The following USP47 variants were observed in gnomAD, a reference collection of about 807,000 sequenced individuals.
USP47 encodes the protein ubiquitin specific peptidase 47, also known as ubiquitin carboxyl-terminal hydrolase 47.
Under a neutral mutation model 165.1 loss-of-function variants are expected in USP47, and 35 were observed. That is an observed-to-expected ratio of 0.21 (90% CI 0.16 to 0.28). The LOEUF (loss-of-function observed/expected upper bound fraction) is 0.28, where lower values mean the gene tolerates loss of function less well. Ranked by LOEUF, USP47 falls within the 10% of genes least tolerant of loss-of-function variation. The pLI, the probability that USP47 is intolerant of heterozygous loss-of-function variation, is 1.00. For missense variants in USP47, 1,277 were observed against 1,607.4 expected, an observed-to-expected ratio of 0.79 and a Z score of 3.52; for synonymous variants, 531 against 544.5, an observed-to-expected ratio of 0.98 and a Z score of 0.35.
intron 8 of USP47, among the ~76,000 whole-genome samples, chr11:11,912,897 A>T: frequency 6.6e-6 from 1 of 152,130 alleles, no homozygotes; most frequent in East Asian, 1.9e-4. Flanking sequence ...TAACGAGCCA[A>T]AAAAGAAAAT....
chr11:11,954,691 A>C (rs932615784), intron 25 of USP47, among the ~76,000 whole-genome samples: 1 of 152,228 alleles, frequency 6.6e-6, no homozygotes, highest in Non-Finnish European at 1.5e-5. Context: ...TTGTGTATGC[A>C]TAGGAAAAGG....
intron 3 of USP47, among the ~76,000 whole-genome samples, chr11:11,888,917 G>A (rs891064961): frequency 6.6e-6 from 1 of 151,936 alleles, no homozygotes; most frequent in African/African-American, 2.4e-5. Flanking sequence ...CAATAAATGC[G>A]ATTCATCCCA....
At chr11:11,857,004 A>G (rs756201484) in intron 1 of USP47, 4 of 152,168 alleles carry the variant, frequency 2.6e-5, no homozygotes, top group African/African-American at 4.8e-5. Flanking sequence ...ACCATAAGGA[A>G]TGTCTTTAAT....
chr11:11,851,865 G>A (rs1004056026), intron 1 of USP47, among the ~76,000 whole-genome samples: 3 of 152,096 alleles, frequency 2.0e-5, no homozygotes, highest in Admixed American at 1.3e-4. Context: ...TTGAGGTTAT[G>A]AATAAAAAGA....
intron 3 of USP47, among the ~76,000 whole-genome samples, chr11:11,886,094 G>A (rs979714523): frequency 6.6e-6 from 1 of 152,076 alleles, no homozygotes; most frequent in African/African-American, 2.4e-5. Flanking sequence ...CCTATTCAAA[G>A]GTCAGCAACC....
At chr11:11,947,686 T>C (rs912604698) in intron 20 of USP47, among the ~76,000 whole-genome samples, 1 of 152,192 alleles carries the variant, frequency 6.6e-6, no homozygotes, top group Non-Finnish European at 1.5e-5. Context: ...CCTAGAAGCT[T>C]GTTTTTGAGT....
chr11:11,897,006 T>C (rs1046075533), intron 4 of USP47, among the ~76,000 whole-genome samples: 1 of 151,600 alleles, frequency 6.6e-6, no homozygotes, highest in African/African-American at 2.4e-5. Flanking sequence ...TAGAATTTCA[T>C]TGACAGGCTT....
chr11:11,884,742 T>C (rs1208422341), intron 3 of USP47, 162 bp downstream of exon 3: 8 of 543,368 alleles, frequency 1.5e-5, no homozygotes, highest in Non-Finnish European at 2.0e-5. Context: ...TAGAATAACA[T>C]AGTTACACTG....
At chr11:11,918,470 A>T (rs1433106055) in intron 8 of USP47, among the ~76,000 whole-genome samples, 1 of 152,068 alleles carries the variant, frequency 6.6e-6, no homozygotes, top group Non-Finnish European at 1.5e-5. Context: ...CCAGAGTTTG[A>T]TTACTGTTTG....
intron 17 of USP47, 39 bp downstream of exon 17, chr11:11,936,549 A>T: frequency 6.9e-7 from 1 of 1,440,678 alleles, no homozygotes; most frequent in Non-Finnish European, 9.2e-7. Context: ...TTCTGTACTT[A>T]GAATTTTCAT....
At chr11:11,895,225 G>A (rs552633877) in intron 4 of USP47, among the ~76,000 whole-genome samples, 2 of 152,166 alleles carry the variant, frequency 1.3e-5, no homozygotes, top group South Asian at 4.1e-4. Flanking sequence ...ATTTTTAGAA[G>A]TCTTTGCTAT....
chr11:11,851,395 T>TC (rs1292206369), intron 1 of USP47, among the ~76,000 whole-genome samples: 24 of 152,170 alleles, frequency 1.6e-4, no homozygotes, highest in Non-Finnish European at 2.6e-4. Context: ...TTTGGTCAGT[T>TC]CTAGTTTGGA....
At chr11:11,866,993 G>T (rs1019598951) in intron 1 of USP47, among the ~76,000 whole-genome samples, 3 of 152,058 alleles carry the variant, frequency 2.0e-5, no homozygotes, top group Non-Finnish European at 4.4e-5. Flanking sequence ...TGCCTCCCAG[G>T]TTCAAGCGAT....
chr11:11,875,855 G>T (rs779700030), intron 1 of USP47, among the ~76,000 whole-genome samples: 1 of 152,182 alleles, frequency 6.6e-6, no homozygotes, highest in Admixed American at 6.5e-5. Context: ...CTCCCACCTC[G>T]GCCTGCCAAA....
At chr11:11,950,079 C>G (rs1446823375) in intron 23 of USP47, 75 bp downstream of exon 23, 3 of 1,106,646 alleles carry the variant, frequency 2.7e-6, no homozygotes, top group Non-Finnish European at 3.9e-6. Flanking sequence ...GTATGATTTT[C>G]TAAAACTAGG....
At chr11:11,913,944 T>G (rs1441771681) in intron 8 of USP47, among the ~76,000 whole-genome samples, 1 of 152,060 alleles carries the variant, frequency 6.6e-6, no homozygotes, top group Non-Finnish European at 1.5e-5. Context: ...ACTTATTAAT[T>G]GGAAGATTCA....
chr11:11,955,247 T>C, intron 27 of USP47, 83 bp downstream of exon 27: 1 of 1,511,222 alleles, frequency 6.6e-7, no homozygotes, highest in Non-Finnish European at 8.9e-7. Flanking sequence ...ATATCTTTAC[T>C]GTTTTTATGA....
At chr11:11,940,627 C>T (rs1855403334) in intron 19 of USP47, 79 bp downstream of exon 19, 8 of 1,436,666 alleles carry the variant, frequency 5.6e-6, no homozygotes, top group South Asian at 1.2e-5. Context: ...ATAAGCCTGG[C>T]CTCCACAGCT....
chr11:11,851,898 GTTC>G (rs1188930030), intron 1 of USP47, among the ~76,000 whole-genome samples: 3 of 152,152 alleles, frequency 2.0e-5, no homozygotes, highest in East Asian at 3.8e-4. Flanking sequence ...GATGGGATGT[GTTC>G]TTCTTAGTGC....
Sources: gnomAD v4.1 joint callset for allele counts (sites outside exome capture counted in the v4.1 genomes callset) on GRCh38, gnomAD v4.1.1 for gene constraint, MANE v1.5 for transcripts, NCBI Gene and HGNC (gene_info 2026-07-23, HGNC 2026-07-21) for gene names.